Variants in ANKFN1 observed in about 807,000 individuals in gnomAD.
ANKFN1 encodes the protein ankyrin repeat and fibronectin type-III domain-containing protein 1.
A neutral mutation model predicts 108.7 loss-of-function variants in ANKFN1; 74 were observed. That is an observed-to-expected ratio of 0.68 (90% confidence interval 0.56 to 0.83). ANKFN1 has a LOEUF of 0.83. Among genes scored for constraint, ANKFN1 ranks in the 40% least tolerant of loss-of-function variants. The probability of loss-of-function intolerance (pLI) is 0.00; values close to 1 mark genes in which losing one functional copy is unlikely to be tolerated. For synonymous variants in ANKFN1, 547 were observed against 516.2 expected (o/e 1.06, Z -0.81); for missense variants, 1,505 against 1,382.3 (o/e 1.09, Z -1.41).
intron 1 of ANKFN1, among the ~76,000 whole-genome samples, chr17:56,180,337 T>G (rs1254115309): frequency 6.6e-6 from 1 of 152,210 alleles, no homozygotes; most frequent in Admixed American, 6.5e-5. Flanking sequence ...CTCATCCATG[T>G]TTATGGCTGT....
chr17:56,242,902 A>T (rs1353793193), intron 3 of ANKFN1, among the ~76,000 whole-genome samples: 1 of 151,976 alleles, frequency 6.6e-6, no homozygotes, highest in Non-Finnish European at 1.5e-5. Flanking sequence ...ATTTTATCAA[A>T]TCTTTTTCTG....
intron 3 of ANKFN1, among the ~76,000 whole-genome samples, chr17:56,273,994 C>G (rs1277312887): frequency 1.3e-5 from 2 of 152,124 alleles, no homozygotes; most frequent in Non-Finnish European, 2.9e-5. Context: ...GACAGGTTCC[C>G]CAAGAGCCTG....
chr17:56,103,914 C>T (rs951922687), intron 4 of ANKFN1, among the ~76,000 whole-genome samples: 8 of 152,160 alleles, frequency 5.3e-5, no homozygotes, highest in South Asian at 2.1e-4. Flanking sequence ...AGGTACCAAG[C>T]GGTCAGAGTA....
At chr17:56,412,284 T>C (rs1224424769) in intron 8 of ANKFN1, among the ~76,000 whole-genome samples, 1 of 152,254 alleles carries the variant, frequency 6.6e-6, no homozygotes, top group Non-Finnish European at 1.5e-5. Context: ...TTCATAGTAG[T>C]CTGATCTTTT....
intron 8 of ANKFN1, among the ~76,000 whole-genome samples, chr17:56,404,983 G>A (rs1483455074): frequency 1.3e-5 from 2 of 152,204 alleles, no homozygotes; most frequent in Non-Finnish European, 2.9e-5. Context: ...ATACTGGGGA[G>A]TGTCTGCACA....
At chr17:56,377,799 T>G (rs2046983445) in intron 8 of ANKFN1, among the ~76,000 whole-genome samples, 1 of 152,118 alleles carries the variant, frequency 6.6e-6, no homozygotes, top group South Asian at 2.1e-4. Context: ...CTGAAAGAGG[T>G]GCAGTACAAA....
chr17:56,364,713 C>G (rs367767169), intron 6 of ANKFN1, among the ~76,000 whole-genome samples: 1 of 152,220 alleles, frequency 6.6e-6, no homozygotes, highest in Non-Finnish European at 1.5e-5. Flanking sequence ...TAAGAAATCA[C>G]CAGTTACAAT....
chr17:56,154,693 T>TATGTATTC (rs540843828), intron 1 of ANKFN1, among the ~76,000 whole-genome samples: 274 of 151,396 alleles, frequency 1.8e-3, no homozygotes, highest in Non-Finnish European at 3.3e-3. Flanking sequence ...AAACTTTCAG[T>TATGTATTC]AAACCCTTTG....
At chr17:56,158,210 A>AT (rs1909292758) in intron 1 of ANKFN1, among the ~76,000 whole-genome samples, 1 of 152,160 alleles carries the variant, frequency 6.6e-6, no homozygotes, top group South Asian at 2.1e-4. Context: ...CAGGCTGAGC[A>AT]ACTCCCCTCA....
intron 4 of ANKFN1, among the ~76,000 whole-genome samples, chr17:56,056,611 G>A (rs1904881720): frequency 6.6e-6 from 1 of 152,138 alleles, no homozygotes; most frequent in African/African-American, 2.4e-5. Flanking sequence ...TGGGAAAACT[G>A]GCTAGACATA....
At chr17:56,440,848 C>T (rs2049078755) in intron 9 of ANKFN1, among the ~76,000 whole-genome samples, 4 of 151,552 alleles carry the variant, frequency 2.6e-5, no homozygotes, top group Admixed American at 2.6e-4. Flanking sequence ...ATTGCAGTCA[C>T]ATAATTTCCT....
intron 3 of ANKFN1, among the ~76,000 whole-genome samples, chr17:56,230,921 G>T (rs996467959): frequency 1.3e-5 from 2 of 151,988 alleles, no homozygotes; most frequent in Non-Finnish European, 2.9e-5. Flanking sequence ...AGATTCCCTG[G>T]GGCCCTGACT....
At chr17:56,064,785 A>G (rs1305141594) in intron 4 of ANKFN1, among the ~76,000 whole-genome samples, 1 of 152,228 alleles carries the variant, frequency 6.6e-6, no homozygotes, top group Non-Finnish European at 1.5e-5. Context: ...AGGCTTAAGC[A>G]GATTCCAGCT....
chr17:56,170,482 G>A (rs1910550620), intron 1 of ANKFN1, among the ~76,000 whole-genome samples: 2 of 151,968 alleles, frequency 1.3e-5, no homozygotes, highest in African/African-American at 4.8e-5. Context: ...AACCTAACAG[G>A]TCGGGTGCAG....
chr17:56,273,380 C>T (rs1462710945), intron 3 of ANKFN1, among the ~76,000 whole-genome samples: 1 of 152,044 alleles, frequency 6.6e-6, no homozygotes, highest in Non-Finnish European at 1.5e-5. Context: ...CAATTTTTTA[C>T]TATTATAAAT....
chr17:56,118,634 C>T (rs575945022), intron 4 of ANKFN1, among the ~76,000 whole-genome samples: 15 of 152,160 alleles, frequency 9.9e-5, no homozygotes, highest in African/African-American at 3.6e-4. Context: ...TTTAATCTTC[C>T]CAGCAATCCT....
At chr17:56,065,348 C>T (rs1183666041) in intron 4 of ANKFN1, among the ~76,000 whole-genome samples, 2 of 152,158 alleles carry the variant, frequency 1.3e-5, no homozygotes, top group Non-Finnish European at 2.9e-5. Context: ...TTCTCCATAT[C>T]AGCAGTAAGG....
intron 8 of ANKFN1, among the ~76,000 whole-genome samples, chr17:56,413,674 A>G (rs2048159525): frequency 6.6e-6 from 1 of 152,106 alleles, no homozygotes; most frequent in Non-Finnish European, 1.5e-5. Flanking sequence ...GCATCTATTG[A>G]GGTAATCATA....
At position 56,466,416 on chromosome 17, in the gene ANKFN1, G is replaced by A; in HGVS notation, c.1618G>A (p.Gly540Arg). 2 of 1,614,118 alleles carry A rather than the reference G, an allele frequency of 1.2e-6. No homozygotes were observed. The highest frequency in any genetic ancestry group is 2.7e-5 in the African/African-American group (2 of 75,034). ...CTATGAGCCCATTAAAGATCGACAT[G>A]GAAACATACTCATAGTCACCATCAG... ...VYYEPIKDRH[G>R]NILIVTIREV... is the part of the protein sequence containing the mutation. The change falls in exon 15 of 21, where the codon GGA becomes AGA. Residue 540 changes from glycine to arginine, a missense_variant. Physicochemically the swap from Gly to Arg is moderately radical, Grantham distance 125. Coordinates refer to ENST00000682825, the MANE Select transcript of ANKFN1 (RefSeq NM_001370326.1).
Sources: allele counts gnomAD v4.1 joint callset (sites outside exome capture counted in the v4.1 genomes callset), GRCh38; gene constraint gnomAD v4.1.1; transcripts MANE v1.5; gene names NCBI Gene and HGNC (gene_info 2026-07-23, HGNC 2026-07-21).